C16orf89: variants seen among roughly 807,000 people sequenced by gnomAD.
C16orf89 encodes the protein chromosome 16 open reading frame 89.
C16orf89 carries 57 observed loss-of-function variants against 41.5 expected under a neutral mutation model. That is an observed-to-expected ratio of 1.38 (90% confidence interval 1.11 to 1.71). The LOEUF (loss-of-function observed/expected upper bound fraction) is 1.71, where lower values mean the gene tolerates loss of function less well. Ranked by LOEUF, C16orf89 falls within the 40% of genes most tolerant of loss-of-function variation. The pLI is 0.00. For missense variants in C16orf89, 575 were observed against 445.9 expected (o/e 1.29, Z -2.61); for synonymous variants, 223 against 190.6 (o/e 1.17, Z -1.40).
In C16orf89 at chr16:5,044,213, T is replaced by G; in HGVS notation, c.*135A>C. 3.5e-6 allele frequency: 5 copies of G among 1,410,080 alleles called. No individual in the cohort carries two copies. Among genetic ancestry groups the G allele is most frequent in the Admixed American group, 3.1e-5 (1 of 31,852 alleles). 87.3% of individuals were successfully genotyped at this position (1,410,080 alleles called of 1,614,324 possible). On this transcript the variant is annotated 3_prime_UTR_variant, in exon 8 of 8. Coordinates refer to ENST00000472572, the MANE Select transcript of C16orf89 (RefSeq NM_001098514.3). Reference sequence around the variant, plus strand: ...CCTTGCCTACTCAGGGCTTCCAAGATTGGGTGTCGGGGTGGCTTTGCTTAT... The same window carrying G: ...CCTTGCCTACTCAGGGCTTCCAAGAGTGGGTGTCGGGGTGGCTTTGCTTAT...
chr16:5,058,710 C>G (rs1487681562), intron 3 of C16orf89, 100 bp from the exon 4 acceptor site: 2 of 915,540 alleles, frequency 2.2e-6, no homozygotes, highest in African/African-American at 3.4e-5. Flanking sequence ...CCAGTAGATT[C>G]CAGACACCCA....
intron 4 of C16orf89, among the ~76,000 whole-genome samples, chr16:5,057,554 C>CATAT (rs199612680): frequency 4.0e-5 from 6 of 148,652 alleles, no homozygotes; most frequent in African/African-American, 1.5e-4. Flanking sequence ...TAGAGAGCGG[C>CATAT]ATATATATAT....
intron 7 of C16orf89, among the ~76,000 whole-genome samples, chr16:5,046,349 T>C (rs1448021104): frequency 6.6e-6 from 1 of 151,964 alleles, no homozygotes; most frequent in Non-Finnish European, 1.5e-5. Flanking sequence ...TATTTTATTT[T>C]ATTTTATTAT....
intron 4 of C16orf89, among the ~76,000 whole-genome samples, chr16:5,057,220 G>A (rs995183126): frequency 6.9e-6 from 1 of 145,860 alleles, no homozygotes; most frequent in African/African-American, 2.5e-5. Flanking sequence ...CTGGGCAACA[G>A]AGTGAGACTC....
chr16:5,060,473 G>T (rs1283152492), intron 2 of C16orf89, 37 bp from the exon 3 acceptor site: 2 of 1,587,480 alleles, frequency 1.3e-6, no homozygotes, highest in Non-Finnish European at 1.7e-6. Flanking sequence ...TGGGGTGTGG[G>T]GGTGACCCAG....
At chr16:5,063,341 A>C (rs958186848) in intron 1 of C16orf89, among the ~76,000 whole-genome samples, 2 of 152,126 alleles carry the variant, frequency 1.3e-5, no homozygotes, top group Non-Finnish European at 2.9e-5. Flanking sequence ...GCAAACCCGC[A>C]GGGAAGAAGT....
chr16:5,063,538 C>T (rs1488638991), intron 1 of C16orf89, among the ~76,000 whole-genome samples: 1 of 152,188 alleles, frequency 6.6e-6, no homozygotes, highest in Non-Finnish European at 1.5e-5. Context: ...AGCTAAGCTG[C>T]ATCTGTAATT....
chr16:5,056,132 G>A lies in C16orf89; in HGVS notation c.684C>T (p.Cys228=), dbSNP rs375098791. Residue 228 remains cysteine (C), a synonymous_variant, in exon 5 of 8, where the codon TGC becomes TGT. Coordinates refer to ENST00000472572, the MANE Select transcript of C16orf89 (RefSeq NM_001098514.3). ...TGCGGTTCAAGTCCATCATGTTGGC[G>A]CAGAAGAGGTTGATATAGTCCTGGC... is the stretch of plus-strand genomic sequence containing the variant. ...QQSQDYINLF[C]ANMMDLNRRA... The A allele has an allele frequency of 2.7e-5, 43 of 1,599,402 alleles. No homozygotes were observed. The East Asian group carries it at 4.5e-4, about 17-fold the overall frequency.
intron 1 of C16orf89, among the ~76,000 whole-genome samples, chr16:5,065,159 G>A (rs1956711490): frequency 6.6e-6 from 1 of 152,160 alleles, no homozygotes; most frequent in African/African-American, 2.4e-5. Flanking sequence ...TGTGCATGAT[G>A]TGCGCATGTG....
intron 2 of C16orf89, among the ~76,000 whole-genome samples, chr16:5,060,842 T>TA (rs1194558603): frequency 6.8e-6 from 1 of 146,456 alleles, no homozygotes. Flanking sequence ...TCCACAAAAA[T>TA]AAAAAAAGTA....
At chr16:5,061,639 G>C (rs1394509522) in intron 2 of C16orf89, among the ~76,000 whole-genome samples, 1 of 152,062 alleles carries the variant, frequency 6.6e-6, no homozygotes, top group African/African-American at 2.4e-5. Context: ...AGATGACATA[G>C]GTGGGGACAG....
chr16:5,052,381 G>A (rs1956414382), intron 6 of C16orf89, among the ~76,000 whole-genome samples: 1 of 152,176 alleles, frequency 6.6e-6, no homozygotes, highest in East Asian at 1.9e-4. Flanking sequence ...TTTGAGCTCA[G>A]GAATTCTGGA....
intron 6 of C16orf89, among the ~76,000 whole-genome samples, chr16:5,053,301 C>G (rs932597481): frequency 6.6e-6 from 1 of 151,780 alleles, no homozygotes; most frequent in African/African-American, 2.4e-5. Context: ...ACCTGGGAGG[C>G]GGAGGTTGCA....
At chr16:5,045,016 G>A (rs1445656271) in intron 7 of C16orf89, among the ~76,000 whole-genome samples, 1 of 152,096 alleles carries the variant, frequency 6.6e-6, no homozygotes, top group Non-Finnish European at 1.5e-5. Context: ...CCAATACAGG[G>A]ATACAAAAGC....
intron 3 of C16orf89, 190 bp downstream of exon 3, chr16:5,060,096 G>A (rs879113692): frequency 2.0e-5 from 11 of 560,080 alleles, no homozygotes; most frequent in South Asian, 1.6e-4. Context: ...GGAGGCCAGC[G>A]GGCGGCTGGA....
chr16:5,058,332 C>T (rs1956550335), intron 4 of C16orf89, among the ~76,000 whole-genome samples, 161 bp downstream of exon 4: 1 of 151,896 alleles, frequency 6.6e-6, no homozygotes, highest in South Asian at 2.1e-4. Context: ...TGGGTTTCAC[C>T]ATGTTGGCCC....
At chr16:5,049,454 CAA>C (rs1454208050) in intron 6 of C16orf89, among the ~76,000 whole-genome samples, 1 of 152,040 alleles carries the variant, frequency 6.6e-6, no homozygotes, top group Non-Finnish European at 1.5e-5. Context: ...TATGTTAGGC[CAA>C]AAAACAAGTC....
At chr16:5,044,545 A>T (rs532632376) in intron 7 of C16orf89, 67 bp from the exon 8 acceptor site, 357 of 1,599,598 alleles carry the variant, frequency 2.2e-4, no homozygotes, top group Non-Finnish European at 2.8e-4. Context: ...ACACAGTCTC[A>T]TTGAAAGTGC....
intron 5 of C16orf89, 106 bp downstream of exon 5, chr16:5,055,937 CCGTGTGTGTG>C (rs1956490799): frequency 1.8e-6 from 2 of 1,107,524 alleles, no homozygotes; most frequent in Non-Finnish European, 2.5e-6. Flanking sequence ...TCTGGCAACT[CCGTGTGTGTG>C]TGTGTGTGTG....
Sources: gnomAD v4.1 joint callset for allele counts (sites outside exome capture counted in the v4.1 genomes callset) on GRCh38, gnomAD v4.1.1 for gene constraint, MANE v1.5 for transcripts, NCBI Gene and HGNC (gene_info 2026-07-23, HGNC 2026-07-21) for gene names.